The following ATP1B2 variants were observed in gnomAD, a reference collection of about 807,000 sequenced individuals.
ATP1B2 encodes the protein ATPase Na+/K+ transporting subunit beta 2, also known as sodium/potassium-transporting ATPase subunit beta-2.
ATP1B2 carries 12 observed loss-of-function variants against 37.3 expected under a neutral mutation model. The observed-to-expected ratio is 0.32, with a 90% CI of 0.21 to 0.52. ATP1B2 has a LOEUF of 0.52. ATP1B2 is among the 20% of genes least tolerant of loss of function. The pLI, the probability that ATP1B2 is intolerant of heterozygous loss-of-function variation, is 0.96. For synonymous variants in ATP1B2, 139 were observed against 140.5 expected, an observed-to-expected ratio of 0.99 and a Z score of 0.07; for missense variants, 324 against 391.6, an observed-to-expected ratio of 0.83 and a Z score of 1.46.
upstream of ATP1B2, among the ~76,000 whole-genome samples, chr17:7,647,118 AAAG>A (rs1276479918): frequency 1.0e-3 from 157 of 151,374 alleles, 7 homozygotes; most frequent in Admixed American, 4.6e-4. Flanking sequence ...AAAAAAAAAA[AAAG>A]AGTAAGTGGG....
intron 1 of ATP1B2, among the ~76,000 whole-genome samples, chr17:7,652,370 A>AC (rs1296435564): frequency 1.3e-5 from 2 of 151,670 alleles, no homozygotes; most frequent in African/African-American, 4.8e-5. Flanking sequence ...GGGTCTGGTG[A>AC]CCGGCACAGG....
chr17:7,655,442 C>A lies in ATP1B2; in HGVS notation c.610-85C>A. The stretch of plus-strand genomic sequence containing the variant: ...AGGAATAATTGGGGCGAAGGAAGAA[C>A]AAAAGAACAAATGGAAGTCTGGTGA... On this transcript the variant is annotated intron_variant, in intron 5 of 6. Coordinates refer to ENST00000250111, the MANE Select transcript of ATP1B2 (RefSeq NM_001678.5). The surrounding 1 kb of genome is among the most constrained non-coding windows in gnomAD (Gnocchi z 4.4). The A allele has an allele frequency of 4.4e-6, 6 of 1,359,286 alleles. No individual in the cohort carries two copies. Among genetic ancestry groups the A allele is most frequent in the East Asian group, 4.6e-5 (2 of 43,562 alleles). 84.2% of individuals were successfully genotyped at this position (1,359,286 alleles called of 1,614,324 possible). A position where few individuals can be genotyped will look rare whatever the true frequency, so the allele number is the denominator to read the frequency against.
chr17:7,655,349 C>T lies in ATP1B2; in HGVS notation c.610-178C>T. ...AATGATGACAGGGACAGACCATCCC[C>T]TCATCTACACACGCACATGCAGACA... On this transcript the variant is annotated intron_variant, in intron 5 of 6. Transcript: ENST00000250111. The surrounding 1 kb of genome is among the most constrained non-coding windows in gnomAD (Gnocchi z 4.4). The T allele has an allele frequency of 1.6e-6, 1 of 620,060 alleles. No individual in the cohort carries two copies. The allele number at this position is 620,060 out of a possible 1,614,324, so 38.4% of individuals were successfully genotyped here.
intron 1 of ATP1B2, among the ~76,000 whole-genome samples, chr17:7,652,639 C>T (rs1438851936): frequency 6.6e-6 from 1 of 152,152 alleles, no homozygotes; most frequent in African/African-American, 2.4e-5. Flanking sequence ...GAAGTGTCCT[C>T]TGAGATGGAA....
upstream of ATP1B2, among the ~76,000 whole-genome samples, chr17:7,648,947 T>G (rs2072591636): frequency 6.6e-6 from 1 of 152,208 alleles, no homozygotes; most frequent in South Asian, 2.1e-4. Flanking sequence ...TGGGGTAGAC[T>G]GTGCTTACTC....
rs767518673 is a variant in ATP1B2 at position 7,654,059 on chromosome 17, C to T, written c.354C>T (p.Asn118=). Residue 118 remains asparagine, a synonymous_variant, in exon 4 of 7, where the codon AAC becomes AAT. Coordinates refer to ENST00000250111, the MANE Select transcript of ATP1B2 (RefSeq NM_001678.5). The surrounding 1 kb of genome is among the most constrained non-coding windows in gnomAD (Gnocchi z 4.9). ...QKLNKFLEPY[N]DSIQAQKNDV... is the part of the protein sequence containing the mutation. ...TCCCTCCCACCTCTTTAGCTTACAA[C>T]GACTCTATCCAAGCCCAAAAGAATG... The T allele has an allele frequency of 1.4e-5, 22 of 1,614,036 alleles. 1 individual carries two copies. The highest frequency in any genetic ancestry group is 1.0e-4 in the Admixed American group (6 of 60,002).
Position 7,654,192 on chromosome 17 carries a change from A to C in ATP1B2, c.487A>C (p.Ile163Leu). ...GACCCAGCTGGGCAACTGCTCCGGC[A>C]TTGGGGACTCCACCCACTATGGTTA... ...NRTQLGNCSGIGDSTHYGYST... is the reference protein window; with the variant it reads ...NRTQLGNCSGLGDSTHYGYST... The change falls in exon 4 of 7, where the codon ATT (isoleucine) becomes CTT (leucine). Residue 163 changes from isoleucine (I) to leucine (L), a missense_variant. Ile to Leu is a conservative substitution (Grantham distance 5, BLOSUM62 2). Transcript: ENST00000250111. The surrounding 1 kb of genome is among the most constrained non-coding windows in gnomAD (Gnocchi z 4.9). 1 of 1,614,168 alleles carries C rather than the reference A, an allele frequency of 6.2e-7. No homozygotes were observed. Among genetic ancestry groups the C allele is most frequent in the Admixed American group, 1.7e-5 (1 of 60,012 alleles).
chr17:7,656,090 C>A lies in ATP1B2; in HGVS notation c.*195C>A. 3 of 683,794 alleles carry A rather than the reference C, an allele frequency of 4.4e-6. No homozygotes were observed. The highest frequency in any genetic ancestry group is 7.2e-6 in the Non-Finnish European group (3 of 415,306). 42.4% of individuals were successfully genotyped at this position (683,794 alleles called of 1,614,324 possible). Reference sequence around the variant, plus strand: ...CGGTTCCGTCACTCGCCTTTCCCACCAACTTCTCCCAACCTCAGATCAGTC... The same window carrying A: ...CGGTTCCGTCACTCGCCTTTCCCACAAACTTCTCCCAACCTCAGATCAGTC... On this transcript the variant is annotated 3_prime_UTR_variant, in exon 7 of 7. Coordinates refer to ENST00000250111, the MANE Select transcript of ATP1B2 (RefSeq NM_001678.5).
At chr17:7,652,393 G>A (rs2150977693) in intron 1 of ATP1B2, among the ~76,000 whole-genome samples, 1 of 152,168 alleles carries the variant, frequency 6.6e-6, no homozygotes, top group Non-Finnish European at 1.5e-5. Context: ...CAGGTGAGGG[G>A]TGGAATTCTT....
chr17:7,654,327 T>C lies in ATP1B2; in HGVS notation c.552+70T>C, dbSNP rs913630842. On this transcript the variant is annotated intron_variant, in intron 4 of 6. Coordinates refer to ENST00000250111, the MANE Select transcript of ATP1B2 (RefSeq NM_001678.5). The surrounding 1 kb of genome is among the most constrained non-coding windows in gnomAD (Gnocchi z 4.9). The stretch of plus-strand genomic sequence containing the variant: ...GGGACACCACCTGCAGACAATTGCA[T>C]CCTTTCACTGGGGCTAATGGGCATG... The C allele has an allele frequency of 1.3e-6, 2 of 1,527,148 alleles. No homozygotes were observed. Among genetic ancestry groups the C allele is most frequent in the African/African-American group, 2.7e-5 (2 of 73,118 alleles). 94.6% of individuals were successfully genotyped at this position (1,527,148 alleles called of 1,614,324 possible). A position where few individuals can be genotyped will look rare whatever the true frequency, so the allele number is the denominator to read the frequency against.
chr17:7,656,044 A>C lies in ATP1B2; in HGVS notation c.*149A>C. 7.3e-6 allele frequency: 8 copies of C among 1,100,858 alleles called. No homozygotes were observed. The highest frequency in any genetic ancestry group is 2.6e-5 in the East Asian group (1 of 38,704). 68.2% of individuals were successfully genotyped at this position (1,100,858 alleles called of 1,614,324 possible). On this transcript the variant is annotated 3_prime_UTR_variant, in exon 7 of 7. Transcript: ENST00000250111. The stretch of plus-strand genomic sequence containing the variant: ...CTCACATCCTTTTCCTTGACTTCTC[A>C]ACCCAGCCTGAAGTCCATTGCGGTT...
Position 7,654,809 on chromosome 17 carries a change from A to AAACAAGGG in ATP1B2, c.609+126_609+133dup. ...GCTCCTAGAGGCCCCATCACCATAG[A>AAACAAGGG]AACAAGGGGGTAAGAGTGGGCTTTT... is the stretch of plus-strand genomic sequence containing the variant. On this transcript the variant is annotated intron_variant, in intron 5 of 6. Transcript: ENST00000250111. This position sits in a 1 kb window ranked among gnomAD's most constrained non-coding sequence, Gnocchi z 4.9. 8.6e-7 allele frequency: 1 copy of AAACAAGGG among 1,160,760 alleles called. No individual in the cohort carries two copies. The highest frequency in any genetic ancestry group is 1.3e-6 in the Non-Finnish European group (1 of 790,972). The allele number at this position is 1,160,760 out of a possible 1,614,324, so 71.9% of individuals were successfully genotyped here. A position where few individuals can be genotyped will look rare whatever the true frequency, so the allele number is the denominator to read the frequency against.
At position 7,654,470 on chromosome 17, in the gene ATP1B2, A is replaced by G. The variant is rs2072636345; in HGVS notation, c.553-158A>G. ...TTTTTTTTTTAGACAGGGTCTTGCTATGTTGCCCAGGCTGGCCTTGAACTC... is the reference window on the plus strand; with the variant it reads ...TTTTTTTTTTAGACAGGGTCTTGCTGTGTTGCCCAGGCTGGCCTTGAACTC... On this transcript the variant is annotated intron_variant, in intron 4 of 6. Transcript: ENST00000250111. The surrounding 1 kb of genome is among the most constrained non-coding windows in gnomAD (Gnocchi z 4.9). Among the ~76,000 whole-genome samples the G allele has an allele frequency of 6.6e-6, 1 of 151,818 alleles. No individual in the cohort carries two copies. The highest frequency in any genetic ancestry group is 6.6e-5 in the Admixed American group (1 of 15,244).
chr17:7,648,841 GC>G (rs1196623785), upstream of ATP1B2, among the ~76,000 whole-genome samples: 1 of 151,992 alleles, frequency 6.6e-6, no homozygotes, highest in Non-Finnish European at 1.5e-5. Context: ...AGTCTAACCT[GC>G]AGGGTACTCC....
intron 1 of ATP1B2, 152 bp from the exon 2 acceptor site, chr17:7,653,222 C>T: frequency 8.4e-7 from 1 of 1,189,826 alleles, no homozygotes; most frequent in Non-Finnish European, 1.2e-6. Context: ...CAGTTTGTCT[C>T]ATTTTGCCTC....
At chr17:7,652,420 A>G (rs2072620491) in intron 1 of ATP1B2, among the ~76,000 whole-genome samples, 1 of 152,062 alleles carries the variant, frequency 6.6e-6, no homozygotes, top group Non-Finnish European at 1.5e-5. Context: ...GGGATGGTCA[A>G]GCTGGGACGT....
At chr17:7,648,440 G>C (rs1399766620), upstream of ATP1B2, among the ~76,000 whole-genome samples, 1 of 151,500 alleles carries the variant, frequency 6.6e-6, no homozygotes, top group Non-Finnish European at 1.5e-5. Flanking sequence ...TTAGCCGGGC[G>C]TGGTGGTAGT....
At position 7,654,644 on chromosome 17, in the gene ATP1B2, C is replaced by G. The variant is rs375777999; in HGVS notation, c.569C>G (p.Ala190Gly). The G allele has an allele frequency of 3.1e-6, 5 of 1,614,176 alleles. No individual in the cohort carries two copies. The highest frequency in any genetic ancestry group is 3.4e-6 in the Non-Finnish European group (4 of 1,180,026). ...IKMNRVINFY[A>G]GANQSMNVTC... ...TCACTCCAGGTCATCAACTTCTATG[C>G]AGGAGCAAACCAGAGCATGAATGTT... The change falls in exon 5 of 7, where the codon GCA becomes GGA. Residue 190 changes from alanine (A) to glycine (G), a missense_variant. Coordinates refer to ENST00000250111, the MANE Select transcript of ATP1B2 (RefSeq NM_001678.5). This position sits in a 1 kb window ranked among gnomAD's most constrained non-coding sequence, Gnocchi z 4.9.
upstream of ATP1B2, among the ~76,000 whole-genome samples, chr17:7,648,557 ACT>A (rs913811207): frequency 6.7e-5 from 8 of 119,126 alleles, no homozygotes; most frequent in African/African-American, 2.1e-4. Context: ...ACACAGTGAG[ACT>A]CTGTCTCCAA....
Sources: gnomAD v4.1 joint callset for allele counts (sites outside exome capture counted in the v4.1 genomes callset) on GRCh38, gnomAD v4.1.1 for gene constraint, Gnocchi (gnomAD v3.1) non-coding constraint, MANE v1.5 for transcripts, NCBI Gene and HGNC (gene_info 2026-07-23, HGNC 2026-07-21) for gene names.